The following RPS6KC1 variants were observed in gnomAD, a reference collection of about 807,000 sequenced individuals.
RPS6KC1 encodes ribosomal protein S6 kinase C1.
RPS6KC1 carries 54 observed loss-of-function variants against 103.8 expected under a neutral mutation model. The ratio of observed to expected loss-of-function variants is 0.52; its 90% confidence interval spans 0.42 to 0.65. The LOEUF is 0.65. Ranked by LOEUF, RPS6KC1 falls within the 30% of genes least tolerant of loss-of-function variation. The pLI is 0.00. For missense variants in RPS6KC1, 1,151 were observed against 1,253.8 expected (o/e 0.92, Z 1.24); for synonymous variants, 439 against 438.7 (o/e 1.00, Z -0.01).
chr1:213,784,852 T>G, the RPS6KC1 span, among the ~76,000 whole-genome samples: 1 of 152,180 alleles, frequency 6.6e-6, no homozygotes, highest in Non-Finnish European at 1.5e-5. Flanking sequence ...CTTCATAAAC[T>G]TTCAGATACC....
chr1:213,579,059 G>A, the RPS6KC1 span, among the ~76,000 whole-genome samples: 11 of 151,922 alleles, frequency 7.2e-5, no homozygotes, highest in African/African-American at 2.7e-4. Flanking sequence ...GACTTATGGG[G>A]GTGTTTTTCC....
At chr1:213,582,853 C>T in the RPS6KC1 span, among the ~76,000 whole-genome samples, 1 of 152,162 alleles carries the variant, frequency 6.6e-6, no homozygotes, top group Non-Finnish European at 1.5e-5. Context: ...GTAACACCAC[C>T]AAGATTAAGC....
At chr1:213,128,842 T>C (rs2085280842) in intron 5 of RPS6KC1, among the ~76,000 whole-genome samples, 1 of 152,232 alleles carries the variant, frequency 6.6e-6, no homozygotes, top group African/African-American at 2.4e-5. Context: ...GTCCCGAGCA[T>C]TTCAGATGAA....
the RPS6KC1 span, among the ~76,000 whole-genome samples, chr1:213,562,550 C>T: frequency 0.049 from 7,437 of 151,702 alleles, 645 homozygotes; most frequent in African/African-American, 0.17. Context: ...CCACCACGCC[C>T]GGCTAACTTT....
chr1:213,101,816 G>A (rs938822560), intron 3 of RPS6KC1, among the ~76,000 whole-genome samples: 1 of 151,742 alleles, frequency 6.6e-6, no homozygotes, highest in African/African-American at 2.4e-5. Context: ...TAACTATATT[G>A]GACTATAATC....
chr1:213,055,121 G>C (rs913997620), intron 1 of RPS6KC1, among the ~76,000 whole-genome samples: 5 of 152,242 alleles, frequency 3.3e-5, no homozygotes, highest in African/African-American at 9.6e-5. Flanking sequence ...CCCATTGTAA[G>C]TGTCCAATTT....
intron 8 of RPS6KC1, among the ~76,000 whole-genome samples, chr1:213,229,889 C>G (rs1373350222): frequency 6.6e-6 from 1 of 152,158 alleles, no homozygotes; most frequent in East Asian, 1.9e-4. Flanking sequence ...TCAGTTGGAA[C>G]ACTGTAGTTA....
At chr1:213,302,090 A>T in the RPS6KC1 span, among the ~76,000 whole-genome samples, 1 of 152,300 alleles carries the variant, frequency 6.6e-6, no homozygotes, top group East Asian at 1.9e-4. Flanking sequence ...GTCTCAGTAA[A>T]TCTGGGATAG....
chr1:213,415,488 C>G, the RPS6KC1 span, among the ~76,000 whole-genome samples: 1 of 152,150 alleles, frequency 6.6e-6, no homozygotes, highest in Non-Finnish European at 1.5e-5. Context: ...TCTGTACAAT[C>G]CGAGGTGGGG....
At chr1:213,668,711 A>G in the RPS6KC1 span, among the ~76,000 whole-genome samples, 1 of 152,168 alleles carries the variant, frequency 6.6e-6, no homozygotes, top group Non-Finnish European at 1.5e-5. Flanking sequence ...TCTTCTTCTA[A>G]TAGAAGGCTG....
the RPS6KC1 span, among the ~76,000 whole-genome samples, chr1:213,648,752 C>G: frequency 6.6e-6 from 1 of 152,120 alleles, no homozygotes; most frequent in Non-Finnish European, 1.5e-5. Flanking sequence ...CTCTTGCCAG[C>G]CATATGAGAT....
At chr1:213,204,918 A>G (rs2093292134) in intron 8 of RPS6KC1, among the ~76,000 whole-genome samples, 1 of 152,098 alleles carries the variant, frequency 6.6e-6, no homozygotes, top group African/African-American at 2.4e-5. Context: ...CATAAACCAC[A>G]ATGCCTGGCC....
At chr1:213,752,922 G>T in the RPS6KC1 span, among the ~76,000 whole-genome samples, 1 of 152,180 alleles carries the variant, frequency 6.6e-6, no homozygotes, top group East Asian at 1.9e-4. Context: ...CCAGAAGAGT[G>T]GATCCTTCAA....
chr1:213,326,213 GAAAA>G, the RPS6KC1 span, among the ~76,000 whole-genome samples: 3 of 150,752 alleles, frequency 2.0e-5, no homozygotes, highest in Non-Finnish European at 4.4e-5. Flanking sequence ...GAAAAAAAAA[GAAAA>G]AAGAAAAAAA....
At chr1:213,791,772 C>T in the RPS6KC1 span, among the ~76,000 whole-genome samples, 22 of 152,192 alleles carry the variant, frequency 1.4e-4, no homozygotes, top group Non-Finnish European at 2.2e-4. Flanking sequence ...CCCCATCTCA[C>T]AGAGGAGTCA....
chr1:213,783,217 T>C, the RPS6KC1 span, among the ~76,000 whole-genome samples: 2 of 152,206 alleles, frequency 1.3e-5, no homozygotes, highest in Admixed American at 6.5e-5. Flanking sequence ...ACAAGCAACC[T>C]TGCCAAAGGC....
chr1:213,858,676 T>C, the RPS6KC1 span, among the ~76,000 whole-genome samples: 1 of 152,228 alleles, frequency 6.6e-6, no homozygotes, highest in South Asian at 2.1e-4. Flanking sequence ...ATGTTCTGTC[T>C]ACATAATGCA....
chr1:213,536,657 G>A, the RPS6KC1 span, among the ~76,000 whole-genome samples: 1 of 152,180 alleles, frequency 6.6e-6, no homozygotes, highest in Non-Finnish European at 1.5e-5. Flanking sequence ...GGCCTGGATG[G>A]CAGAGGGTTG....
the RPS6KC1 span, chr1:213,818,108 T>C: frequency 6.6e-6 from 1 of 152,180 alleles, no homozygotes; most frequent in Non-Finnish European, 1.5e-5. Flanking sequence ...TTCCCGTCTC[T>C]CTCTCTCTGG....
Sources: allele counts gnomAD v4.1 joint callset (sites outside exome capture counted in the v4.1 genomes callset), GRCh38; gene constraint gnomAD v4.1.1; transcripts MANE v1.5; gene names NCBI Gene and HGNC (gene_info 2026-07-23, HGNC 2026-07-21).